The following MAP3K13 variants were observed in gnomAD, a reference collection of about 807,000 sequenced individuals.
The protein encoded by MAP3K13 is leucine zipper-bearing kinase.
A neutral mutation model predicts 104.0 loss-of-function variants in MAP3K13; 52 were observed. That is an observed-to-expected ratio of 0.50 (90% CI 0.40 to 0.63). The LOEUF (loss-of-function observed/expected upper bound fraction) is 0.63, where lower values mean the gene tolerates loss of function less well. Among genes scored for constraint, MAP3K13 ranks in the 20% least tolerant of loss-of-function variants. The probability of loss-of-function intolerance (pLI) is 0.00; values close to 1 mark genes in which losing one functional copy is unlikely to be tolerated. For synonymous variants in MAP3K13, 394 were observed against 442.2 expected, an observed-to-expected ratio of 0.89 and a Z score of 1.37; for missense variants, 914 against 1,218.5, an observed-to-expected ratio of 0.75 and a Z score of 3.72.
At chr3:185,367,743 A>C (rs902350866) in intron 1 of MAP3K13, among the ~76,000 whole-genome samples, 1 of 152,048 alleles carries the variant, frequency 6.6e-6, no homozygotes, top group African/African-American at 2.4e-5. Context: ...CCACAGACAC[A>C]TGCCACTATA....
chr3:185,355,309 A>C (rs980524351), intron 2 of MAP3K13, among the ~76,000 whole-genome samples: 2 of 152,124 alleles, frequency 1.3e-5, no homozygotes, highest in African/African-American at 4.8e-5. Context: ...TCTACTAAAA[A>C]TACAAAAATT....
intron 1 of MAP3K13, among the ~76,000 whole-genome samples, chr3:185,416,916 C>T (rs1433051026): frequency 6.6e-6 from 1 of 151,902 alleles, no homozygotes; most frequent in Non-Finnish European, 1.5e-5. Context: ...AGCCACCTTG[C>T]CCAGCTATAA....
Position 185,292,932 on chromosome 3 carries a change from T to G in MAP3K13, c.-86+7289T>G, listed in dbSNP as rs142632852. 4.0e-4 allele frequency: 389 copies of G among 984,200 alleles called. 4 individuals carry two copies. The African/African-American group carries it at 4.9e-3, about 12-fold the overall frequency. 61.0% of individuals were successfully genotyped at this position (984,200 alleles called of 1,614,324 possible). ...TTTTTACTAAAATGTGACCCTCATT[T>G]TTCTTTACATGAAAGAACATAGAAT... On this transcript the variant is annotated intron_variant, in intron 2 of 14. Coordinates refer to the MAP3K13 transcript ENST00000424227.
At chr3:185,467,414 C>T (rs1213990349) in intron 10 of MAP3K13, among the ~76,000 whole-genome samples, 5 of 152,194 alleles carry the variant, frequency 3.3e-5, no homozygotes, top group African/African-American at 9.6e-5. Context: ...CTTTTATTCA[C>T]ACATTTAGTT....
chr3:185,368,862 G>A (rs1327695498), intron 1 of MAP3K13, among the ~76,000 whole-genome samples: 1 of 151,732 alleles, frequency 6.6e-6, no homozygotes, highest in Non-Finnish European at 1.5e-5. Flanking sequence ...GGGAGGCTGA[G>A]GCAGAAGAAT....
chr3:185,441,573 T>C (rs986808181), intron 3 of MAP3K13, among the ~76,000 whole-genome samples: 3 of 152,166 alleles, frequency 2.0e-5, no homozygotes, highest in Non-Finnish European at 4.4e-5. Context: ...ATGGATGATG[T>C]AGGAATTGAT....
upstream of MAP3K13, among the ~76,000 whole-genome samples, chr3:185,359,880 T>C (rs968446523): frequency 7.8e-4 from 118 of 152,208 alleles, 1 homozygote; most frequent in East Asian, 3.9e-4. Context: ...CATGATACTT[T>C]GGACTTCGAT....
intron 1 of MAP3K13, among the ~76,000 whole-genome samples, chr3:185,375,986 G>T (rs751346665): frequency 6.6e-6 from 1 of 152,192 alleles, no homozygotes; most frequent in Non-Finnish European, 1.5e-5. Flanking sequence ...GGTAGTGGAG[G>T]GGGGCAGAGC....
intron 7 of MAP3K13, chr3:185,451,616 G>A (rs1055266565): frequency 5.2e-6 from 2 of 384,866 alleles, no homozygotes; most frequent in East Asian, 4.8e-5. Flanking sequence ...TGTTGGCCGG[G>A]TGCACTTTGG....
rs887303253 is a variant in MAP3K13 at position 185,313,322 on chromosome 3, T to G, written c.-86+27679T>G. On this transcript the variant is annotated intron_variant, in intron 2 of 14. Coordinates refer to the MAP3K13 transcript ENST00000424227. ...TCGCACTCTTTCATCCAGGCTGGAGTGCAGTGGCGTGATCTCGGCTCACTG... is the reference window on the plus strand; with the variant it reads ...TCGCACTCTTTCATCCAGGCTGGAGGGCAGTGGCGTGATCTCGGCTCACTG... Among the ~76,000 whole-genome samples, 275 of 146,054 alleles carry G rather than the reference T, an allele frequency of 1.9e-3. 2 individuals are homozygous for G. The highest frequency in any genetic ancestry group is 6.7e-3 in the African/African-American group (262 of 39,358).
At chr3:185,446,305 T>G (rs1057187671) in intron 4 of MAP3K13, among the ~76,000 whole-genome samples, 11 of 151,650 alleles carry the variant, frequency 7.3e-5, no homozygotes, top group South Asian at 2.1e-4. Context: ...GCCCAGGCTG[T>G]AGTGCAGTGG....
chr3:185,387,291 C>T (rs1259779487), intron 1 of MAP3K13, among the ~76,000 whole-genome samples: 1 of 152,090 alleles, frequency 6.6e-6, no homozygotes, highest in Admixed American at 6.5e-5. Flanking sequence ...TCAGTGAGTT[C>T]TCACTCTATT....
At chr3:185,368,575 C>T (rs530573119) in intron 1 of MAP3K13, among the ~76,000 whole-genome samples, 1 of 152,264 alleles carries the variant, frequency 6.6e-6, no homozygotes, top group East Asian at 1.9e-4. Context: ...ACAGGCTATA[C>T]TCTCCCTAGA....
intron 1 of MAP3K13, among the ~76,000 whole-genome samples, chr3:185,387,601 T>C (rs888897137): frequency 6.6e-6 from 1 of 152,112 alleles, no homozygotes; most frequent in African/African-American, 2.4e-5. Flanking sequence ...GCAGAAAAAT[T>C]ATTGATAAAA....
chr3:185,461,908 T>C (rs1163629418), intron 7 of MAP3K13, among the ~76,000 whole-genome samples: 1 of 151,926 alleles, frequency 6.6e-6, no homozygotes, highest in East Asian at 1.9e-4. Context: ...TAAAAATATA[T>C]ATAGGCAAGG....
intron 2 of MAP3K13, among the ~76,000 whole-genome samples, chr3:185,348,733 A>G (rs1031949191): frequency 7.9e-5 from 12 of 152,170 alleles, no homozygotes; most frequent in Non-Finnish European, 1.3e-4. Context: ...CCTGGCCAAC[A>G]TGGTGAAACC....
At chr3:185,350,520 A>T (rs1723102345) in intron 2 of MAP3K13, among the ~76,000 whole-genome samples, 1 of 151,666 alleles carries the variant, frequency 6.6e-6, no homozygotes, top group Admixed American at 6.6e-5. Flanking sequence ...TGTCACTTAT[A>T]TCTTGTTGGA....
chr3:185,487,002 G>A lies in MAP3K13; in HGVS notation c.*4546G>A, dbSNP rs1274525619. The A allele has an allele frequency of 6.6e-6, 1 of 152,196 alleles. No individual in the cohort carries two copies. The highest frequency in any genetic ancestry group is 1.5e-5 in the Non-Finnish European group (1 of 68,040). 9.4% of individuals were successfully genotyped at this position (152,196 alleles called of 1,614,324 possible). A position where few individuals can be genotyped will look rare whatever the true frequency, so the allele number is the denominator to read the frequency against. Reference sequence around the variant, plus strand: ...TGAGATACTATATTTTAAAATGTTGGCATCAAACAAATCTATCCTTCTAGA... The same window carrying A: ...TGAGATACTATATTTTAAAATGTTGACATCAAACAAATCTATCCTTCTAGA... On this transcript the variant is annotated 3_prime_UTR_variant, in exon 14 of 14. Transcript: ENST00000265026.
chr3:185,394,774 G>A (rs889450919), intron 1 of MAP3K13, among the ~76,000 whole-genome samples: 5 of 151,966 alleles, frequency 3.3e-5, no homozygotes, highest in South Asian at 2.1e-4. Flanking sequence ...ATATATTTCC[G>A]CTCTAAGGAG....
Sources: allele counts gnomAD v4.1 joint callset (sites outside exome capture counted in the v4.1 genomes callset), GRCh38; gene constraint gnomAD v4.1.1; transcripts MANE v1.5; gene names NCBI Gene and HGNC (gene_info 2026-07-23, HGNC 2026-07-21).